Variants in CDHR2 observed in about 807,000 individuals in gnomAD.
CDHR2 encodes cadherin-related family member 2.
A neutral mutation model predicts 138.6 loss-of-function variants in CDHR2; 104 were observed. The ratio of observed to expected loss-of-function variants is 0.75; its 90% CI spans 0.64 to 0.88. The LOEUF (loss-of-function observed/expected upper bound fraction) is 0.88. CDHR2 is among the 40% of genes least tolerant of loss of function. The pLI is 0.00. For synonymous variants in CDHR2, 755 were observed against 742.8 expected (o/e 1.02, Z -0.27); for missense variants, 1,624 against 1,727.6 (o/e 0.94, Z 1.06).
At position 176,557,716 on chromosome 5, in the gene CDHR2, T is replaced by TC. The variant is rs1561866781; in HGVS notation, c.-15-7622_-15-7621insC. 2.7e-3 allele frequency among the ~76,000 whole-genome samples: 406 copies of TC among 149,112 alleles called. 6 individuals are homozygous for TC. Among genetic ancestry groups the TC allele is most frequent in the African/African-American group, 9.9e-3 (387 of 38,988 alleles). Reference sequence around the variant, plus strand: ...TTTCTTTCTTTCTTTCTTTCTTTTTTTTTTATTTTGAAATGGAGTCTTGCT... The same window carrying TC: ...TTTCTTTCTTTCTTTCTTTCTTTTTTCTTTTATTTTGAAATGGAGTCTTGCT... On this transcript the variant is annotated intron_variant, in intron 1 of 31. Transcript: ENST00000261944.
At position 176,590,246 on chromosome 5, in the gene CDHR2, G is replaced by T. The variant is rs571109995; in HGVS notation, c.3276-7G>T. On this transcript the variant is annotated splice_polypyrimidine_tract_variant and splice_region_variant and intron_variant, in intron 25 of 31. Coordinates refer to ENST00000261944, the MANE Select transcript of CDHR2 (RefSeq NM_017675.6). ...GCTCCTGACTCTTCAACTCTGTCCC[G>T]CTCCAGGGCCCGACCTCACTCCTAC... The T allele has an allele frequency of 1.2e-6, 2 of 1,614,084 alleles. No homozygotes were observed. Among genetic ancestry groups the T allele is most frequent in the Admixed American group, 1.7e-5 (1 of 60,028 alleles).
In CDHR2 at chr5:176,577,628, T is replaced by G. The variant is rs761379212; in HGVS notation, c.1351-9T>G. ...GCCCCACAGCTGCTGCCTCCTCCCC[T>G]GCCCCCAGGTTGTGGCCACAGACTC... On this transcript the variant is annotated splice_polypyrimidine_tract_variant and intron_variant, in intron 13 of 31. Coordinates refer to ENST00000261944, the MANE Select transcript of CDHR2 (RefSeq NM_017675.6). The G allele has an allele frequency of 4.3e-6, 7 of 1,614,174 alleles. No homozygotes were observed. Among genetic ancestry groups the G allele is most frequent in the Non-Finnish European group, 5.9e-6 (7 of 1,180,014 alleles).
At chr5:176,568,447 T>A (rs968787593) in intron 3 of CDHR2, among the ~76,000 whole-genome samples, 2 of 152,242 alleles carry the variant, frequency 1.3e-5, no homozygotes, top group African/African-American at 2.4e-5. Flanking sequence ...GAGGGGTAGA[T>A]GCCTGGGTAC....
intron 28 of CDHR2, 149 bp downstream of exon 28, chr5:176,590,836 C>A: frequency 2.0e-6 from 2 of 1,003,694 alleles, no homozygotes; most frequent in Non-Finnish European, 3.0e-6. Context: ...TTGGGTGAGT[C>A]ACCTCCCCTC....
intron 1 of CDHR2, among the ~76,000 whole-genome samples, chr5:176,556,510 C>T (rs1286090963): frequency 6.6e-6 from 1 of 152,128 alleles, no homozygotes; most frequent in Non-Finnish European, 1.5e-5. Flanking sequence ...ACTAAAAATA[C>T]AAAAATTAGC....
intron 17 of CDHR2, 60 bp downstream of exon 17, chr5:176,581,642 C>T: frequency 6.3e-7 from 1 of 1,590,478 alleles, no homozygotes; most frequent in Non-Finnish European, 8.6e-7. Context: ...GCCAGCCCCT[C>T]CAGCTTGAGT....
chr5:176,588,975 G>A lies in CDHR2; in HGVS notation c.2857-56G>A, dbSNP rs934150484. The A allele has an allele frequency of 4.4e-6, 7 of 1,590,312 alleles. No homozygotes were observed. The South Asian group carries it at 5.6e-5, about 13-fold the overall frequency. ...ACCCTTGCCTCTGATCCCTGCTGGG[G>A]TGGAGGGATGCCTGGCCTGGCTGGG... On this transcript the variant is annotated intron_variant, in intron 21 of 31. Coordinates refer to ENST00000261944, the MANE Select transcript of CDHR2 (RefSeq NM_017675.6).
intron 1 of CDHR2, among the ~76,000 whole-genome samples, chr5:176,564,792 A>G (rs1195273258): frequency 2.6e-5 from 4 of 152,184 alleles, no homozygotes; most frequent in African/African-American, 9.6e-5. Flanking sequence ...TAGATGTATC[A>G]GCAGGTGAAC....
intron 1 of CDHR2, among the ~76,000 whole-genome samples, chr5:176,555,628 T>G (rs1757802665): frequency 6.6e-6 from 1 of 152,128 alleles, no homozygotes. Context: ...ATGGGCCAAG[T>G]GCAGTGGATG....
chr5:176,590,773 G>A, intron 28 of CDHR2, 86 bp downstream of exon 28: 2 of 1,576,304 alleles, frequency 1.3e-6, no homozygotes, highest in Non-Finnish European at 1.7e-6. Context: ...AAGGAGCTGG[G>A]GCTTAGGCAC....
At chr5:176,585,102 G>A in intron 19 of CDHR2, 87 bp downstream of exon 19, 2 of 1,409,320 alleles carry the variant, frequency 1.4e-6, no homozygotes, top group Non-Finnish European at 1.9e-6. Context: ...ACAAGGTCTG[G>A]GCTCAGATCT....
intron 20 of CDHR2, 164 bp from the exon 21 acceptor site, chr5:176,586,629 C>T (rs1758675404): frequency 3.3e-6 from 2 of 610,334 alleles, no homozygotes; most frequent in South Asian, 4.0e-5. Flanking sequence ...AGGTGGATGA[C>T]TTGCTAACTA....
intron 20 of CDHR2, 81 bp downstream of exon 20, chr5:176,586,106 C>T: frequency 9.0e-7 from 1 of 1,115,034 alleles, no homozygotes; most frequent in East Asian, 2.4e-5. Flanking sequence ...CCTCCTTGGA[C>T]CCCAGGGGGA....
chr5:176,573,485 T>TA (rs201297153), intron 6 of CDHR2, among the ~76,000 whole-genome samples: 33,125 of 150,286 alleles, frequency 0.22, 3,809 homozygotes, highest in East Asian at 0.46. Flanking sequence ...ATTAAAAATA[T>TA]ATATAAAAAA....
chr5:176,570,631 C>T (rs1581138202), intron 5 of CDHR2, among the ~76,000 whole-genome samples: 1 of 152,332 alleles, frequency 6.6e-6, no homozygotes, highest in Middle Eastern at 3.4e-3. Context: ...TGAGCCACTG[C>T]GCCTGGCTGG....
At chr5:176,567,145 A>G in intron 3 of CDHR2, 2 of 375,248 alleles carry the variant, frequency 5.3e-6, no homozygotes, top group South Asian at 2.0e-5. Flanking sequence ...TATCCCATGG[A>G]GGCTGGAGAG....
intron 2 of CDHR2, 36 bp from the exon 3 acceptor site, chr5:176,565,636 G>A (rs746016787): frequency 8.8e-6 from 14 of 1,584,162 alleles, no homozygotes; most frequent in East Asian, 4.5e-5. Flanking sequence ...GTTTTGCAGG[G>A]GTGTCCCGAT....
chr5:176,588,184 C>A (rs866963474), intron 21 of CDHR2, among the ~76,000 whole-genome samples: 1 of 147,498 alleles, frequency 6.8e-6, no homozygotes, highest in Admixed American at 6.7e-5. Flanking sequence ...ATCTGAGCAT[C>A]GCTGTGTGTG....
At chr5:176,582,499 C>T (rs559816543) in intron 17 of CDHR2, among the ~76,000 whole-genome samples, 2 of 152,232 alleles carry the variant, frequency 1.3e-5, no homozygotes, top group South Asian at 4.2e-4. Context: ...GCAACTGAGG[C>T]GGGCCTAGTT....
Sources: allele counts gnomAD v4.1 joint callset (sites outside exome capture counted in the v4.1 genomes callset), GRCh38; gene constraint gnomAD v4.1.1; transcripts MANE v1.5; gene names NCBI Gene and HGNC (gene_info 2026-07-23, HGNC 2026-07-21).